Variants in CADM3 observed in about 807,000 individuals in gnomAD.
The protein encoded by CADM3 is cell adhesion molecule 3.
Under a neutral mutation model 44.9 loss-of-function variants are expected in CADM3, and 11 were observed. That is an observed-to-expected ratio of 0.25 (90% confidence interval 0.15 to 0.41). The LOEUF is 0.41. Among genes scored for constraint, CADM3 ranks in the 10% least tolerant of loss-of-function variants. The pLI, the probability that CADM3 is intolerant of heterozygous loss-of-function variation, is 1.00. For missense variants in CADM3, 426 were observed against 512.0 expected (o/e 0.83, Z 1.62); for synonymous variants, 207 against 205.2 (o/e 1.01, Z -0.08).
At chr1:159,189,696 C>T (rs1649568664) in intron 1 of CADM3, 2 of 1,130,006 alleles carry the variant, frequency 1.8e-6, no homozygotes, top group South Asian at 1.4e-5. Flanking sequence ...CCCACATGCC[C>T]AGCAATGAAA....
chr1:159,175,605 A>C (rs1380181322), intron 1 of CADM3, among the ~76,000 whole-genome samples: 2 of 152,248 alleles, frequency 1.3e-5, no homozygotes, highest in Admixed American at 6.5e-5. Flanking sequence ...GCTTTTACAC[A>C]TTCTTATAAT....
chr1:159,198,631 A>G (rs3026999), intron 7 of CADM3, among the ~76,000 whole-genome samples: 6,360 of 152,244 alleles, frequency 0.042, 442 homozygotes, highest in African/African-American at 0.15. Flanking sequence ...TAAGGAGTCA[A>G]TGAGGCATTA....
At chr1:159,196,235 G>A (rs1649884895) in intron 5 of CADM3, 129 bp from the exon 6 acceptor site, 3 of 654,248 alleles carry the variant, frequency 4.6e-6, no homozygotes, top group African/African-American at 1.8e-5. Context: ...AGTAGGAGAA[G>A]GAAGGTCTTT....
intron 3 of CADM3, 76 bp downstream of exon 3, chr1:159,192,806 A>T (rs1649729468): frequency 4.1e-6 from 6 of 1,460,308 alleles, no homozygotes; most frequent in Non-Finnish European, 5.6e-6. Context: ...TCCCTGAAGC[A>T]GCTGGGAGCC....
At chr1:159,180,111 C>T (rs1441513497) in intron 1 of CADM3, among the ~76,000 whole-genome samples, 3 of 152,096 alleles carry the variant, frequency 2.0e-5, no homozygotes. Flanking sequence ...TTCTGGCCCT[C>T]TCCTGGGGAG....
intron 8 of CADM3, 115 bp downstream of exon 8, chr1:159,199,991 T>C (rs2102139852): frequency 1.5e-6 from 2 of 1,354,768 alleles, no homozygotes; most frequent in East Asian, 5.0e-5. Context: ...TGTCAGCCCT[T>C]TGGAGTGTTT....
chr1:159,182,330 T>A (rs897781888), intron 1 of CADM3, among the ~76,000 whole-genome samples: 3 of 152,240 alleles, frequency 2.0e-5, no homozygotes, highest in Non-Finnish European at 2.9e-5. Flanking sequence ...CTGGAGTTCC[T>A]CAGTATCATG....
At chr1:159,185,478 A>G (rs1649384760) in intron 1 of CADM3, among the ~76,000 whole-genome samples, 1 of 152,236 alleles carries the variant, frequency 6.6e-6, no homozygotes, top group Non-Finnish European at 1.5e-5. Context: ...TTGTGGTCAG[A>G]GAGGTCTAAG....
chr1:159,191,505 G>A (rs573730898), intron 1 of CADM3, among the ~76,000 whole-genome samples: 1 of 152,334 alleles, frequency 6.6e-6, no homozygotes, highest in Admixed American at 6.5e-5. Context: ...AGTCACAACT[G>A]CTTCTCCTGT....
intron 1 of CADM3, among the ~76,000 whole-genome samples, chr1:159,185,917 A>G (rs993235968): frequency 1.3e-5 from 2 of 152,238 alleles, no homozygotes; most frequent in African/African-American, 4.8e-5. Flanking sequence ...ATTTGGGAGG[A>G]AAGTCAAACT....
chr1:159,180,386 C>T (rs1171854521), intron 1 of CADM3, among the ~76,000 whole-genome samples: 8 of 152,052 alleles, frequency 5.3e-5, no homozygotes, highest in Admixed American at 1.3e-4. Flanking sequence ...TGTGTTTGCC[C>T]CCATCAAATA....
chr1:159,183,509 A>T (rs1649309551), intron 1 of CADM3, among the ~76,000 whole-genome samples: 1 of 152,154 alleles, frequency 6.6e-6, no homozygotes, highest in South Asian at 2.1e-4. Context: ...AGTGAGGTGG[A>T]GAGAAGGCCT....
chr1:159,194,477 T>C (rs1161042274), intron 5 of CADM3: 1 of 157,374 alleles, frequency 6.4e-6, no homozygotes, highest in East Asian at 1.9e-4. Context: ...AAGTAGTTTC[T>C]AGTCTGCACT....
Position 159,196,938 on chromosome 1 carries a change from A to C in CADM3, c.830A>C (p.Lys277Thr). 6.2e-7 allele frequency: 1 copy of C among 1,614,108 alleles called. No homozygotes were observed. Among genetic ancestry groups the C allele is most frequent in the Non-Finnish European group, 8.5e-7 (1 of 1,180,016 alleles). Residue 277 changes from lysine to threonine, a missense_variant, in exon 7 of 9, where the codon AAG becomes ACG. This residue lies in a region of CADM3 where 362 missense variants were observed against 474.6 expected (regional missense o/e 0.76). Transcript: ENST00000368125. ...AAGGAGGGCAGTGTGCCACCCCTGAAGATGACCCAGGAGAGTGCCCTGATC... is the reference window on the plus strand; with the variant it reads ...AAGGAGGGCAGTGTGCCACCCCTGACGATGACCCAGGAGAGTGCCCTGATC... ...WEKEGSVPPL[K>T]MTQESALIFP... is the part of the protein sequence containing the mutation.
At chr1:159,180,630 G>A (rs1404675060) in intron 1 of CADM3, among the ~76,000 whole-genome samples, 4 of 151,738 alleles carry the variant, frequency 2.6e-5, no homozygotes. Flanking sequence ...TAGCAGTTAG[G>A]ATTGGGGGAA....
At chr1:159,174,672 G>A (rs539452332) in intron 1 of CADM3, among the ~76,000 whole-genome samples, 2 of 152,232 alleles carry the variant, frequency 1.3e-5, no homozygotes, top group Non-Finnish European at 2.9e-5. Context: ...GACTGGCCAT[G>A]AGTGTTGTGG....
Position 159,179,379 on chromosome 1 carries a change from T to C in CADM3, c.88+7526T>C, listed in dbSNP as rs544468759. 2.6e-5 allele frequency among the ~76,000 whole-genome samples: 4 copies of C among 151,760 alleles called. No homozygotes were observed. The South Asian group carries it at 8.3e-4, about 31-fold the overall frequency. ...CAGCTAGACTTACACTAACTGTGTA[T>C]TGATTGCTAATTATAAGCACCTTTG... On this transcript the variant is annotated intron_variant, in intron 1 of 8. Transcript: ENST00000368125.
At chr1:159,196,765 G>A in intron 6 of CADM3, 126 bp from the exon 7 acceptor site, 1 of 960,664 alleles carries the variant, frequency 1.0e-6, no homozygotes, top group Non-Finnish European at 1.5e-6. Flanking sequence ...CAGTGTCTCT[G>A]GCCCCGATAA....
In CADM3 at chr1:159,171,808, T is replaced by A. The variant is rs1648814990; in HGVS notation, c.43T>A (p.Phe15Ile). The change falls in exon 1 of 9, where the codon TTC (phenylalanine) becomes ATC (isoleucine). Residue 15 changes from phenylalanine (F) to isoleucine (I), a missense_variant. Phe to Ile is a conservative substitution (Grantham distance 21). Coordinates refer to ENST00000368125, the MANE Select transcript of CADM3 (RefSeq NM_001127173.3). The stretch of plus-strand genomic sequence containing the variant: ...CTCGCTCCTGCTCCTGCTCCTGCTG[T>A]TCGCCTGCTGCTGGGCGCCCGGCGG... ...AASLLLLLLL[F>I]ACCWAPGGAN... 1 of 1,247,616 alleles carries A rather than the reference T, an allele frequency of 8.0e-7. No individual in the cohort carries two copies. Among genetic ancestry groups the A allele is most frequent in the Non-Finnish European group, 1.0e-6 (1 of 994,878 alleles). 77.3% of individuals were successfully genotyped at this position (1,247,616 alleles called of 1,614,324 possible).
Sources: allele counts gnomAD v4.1 joint callset (sites outside exome capture counted in the v4.1 genomes callset), GRCh38; gene constraint gnomAD v4.1.1; regional missense constraint gnomAD v4.1.1; transcripts MANE v1.5; gene names NCBI Gene and HGNC (gene_info 2026-07-23, HGNC 2026-07-21).